The following CLIC5 variants were observed in gnomAD, a reference collection of about 807,000 sequenced individuals.
The protein encoded by CLIC5 is CLIC family member 5, also known as chloride intracellular channel protein 5.
A neutral mutation model predicts 24.7 loss-of-function variants in CLIC5; 20 were observed. That is an observed-to-expected ratio of 0.81 (90% CI 0.57 to 1.18). CLIC5 has a LOEUF of 1.18. CLIC5 is among the 50% of genes most tolerant of loss of function. CLIC5 has a pLI of 0.00. For synonymous variants in CLIC5, 159 were observed against 135.6 expected, an observed-to-expected ratio of 1.17 and a Z score of -1.20; for missense variants, 341 against 326.1, an observed-to-expected ratio of 1.05 and a Z score of -0.35.
At chr6:45,919,044 G>T in intron 4 of CLIC5, 1 of 985,320 alleles carries the variant, frequency 1.0e-6, no homozygotes, top group Non-Finnish European at 1.2e-6. Flanking sequence ...CAACTGCTAT[G>T]GTCTTCCTTA....
At position 45,900,925 on chromosome 6, in the gene CLIC5, G is replaced by A. The variant is rs1223744340; in HGVS notation, c.*2163C>T. 2 of 152,146 alleles carry A rather than the reference G, an allele frequency of 1.3e-5. No homozygotes were observed. Among genetic ancestry groups the A allele is most frequent in the Non-Finnish European group, 2.9e-5 (2 of 68,034 alleles). 9.4% of individuals were successfully genotyped at this position (152,146 alleles called of 1,614,324 possible). ...TTGGAATTCTGCAGACTTCTCTGGG[G>A]TGGAGTGGCCTCACCGGAGGCTTGG... On this transcript the variant is annotated 3_prime_UTR_variant, in exon 6 of 6. Transcript: ENST00000339561.
chr6:45,985,814 T>C (rs528293385), intron 1 of CLIC5, among the ~76,000 whole-genome samples: 43 of 152,266 alleles, frequency 2.8e-4, no homozygotes, highest in African/African-American at 9.4e-4. Flanking sequence ...TTCTCCCATG[T>C]ATAGGCCTCA....
intron 1 of CLIC5, among the ~76,000 whole-genome samples, chr6:46,077,756 A>T (rs577264234): frequency 1.3e-5 from 2 of 152,190 alleles, no homozygotes; most frequent in Non-Finnish European, 2.9e-5. Flanking sequence ...AAGAATGTAA[A>T]CTTAAAGAGT....
intron 1 of CLIC5, among the ~76,000 whole-genome samples, chr6:45,966,101 A>G (rs915400828): frequency 6.6e-6 from 1 of 152,208 alleles, no homozygotes; most frequent in Non-Finnish European, 1.5e-5. Context: ...AAAATCTGTC[A>G]TCCTAGCTCT....
chr6:45,962,154 T>C (rs1209039977), intron 1 of CLIC5, among the ~76,000 whole-genome samples: 1 of 149,482 alleles, frequency 6.7e-6, no homozygotes, highest in Non-Finnish European at 1.5e-5. Context: ...ATATAATACA[T>C]TATAATAACA....
chr6:46,039,545 TAAA>T (rs1297848592), intron 1 of CLIC5, among the ~76,000 whole-genome samples: 7 of 151,654 alleles, frequency 4.6e-5, no homozygotes. Context: ...AAAATAAACA[TAAA>T]AAGAAAACGA....
intron 1 of CLIC5, among the ~76,000 whole-genome samples, chr6:46,006,769 G>A (rs1449395732): frequency 1.3e-5 from 2 of 149,888 alleles, no homozygotes; most frequent in African/African-American, 2.5e-5. Flanking sequence ...TCCACCTCCC[G>A]GGTTCAAGCG....
the CLIC5 span, among the ~76,000 whole-genome samples, chr6:46,110,429 T>G: frequency 2.6e-5 from 4 of 152,238 alleles, no homozygotes; most frequent in African/African-American, 9.6e-5. Flanking sequence ...TATTTTTAAT[T>G]TATGGCAACA....
the CLIC5 span, among the ~76,000 whole-genome samples, chr6:46,105,554 T>A: frequency 6.6e-6 from 1 of 152,186 alleles, no homozygotes; most frequent in Non-Finnish European, 1.5e-5. Flanking sequence ...CTCTTTACTG[T>A]CTTTGATACC....
the CLIC5 span, among the ~76,000 whole-genome samples, chr6:46,108,314 A>G: frequency 6.6e-6 from 1 of 151,990 alleles, no homozygotes; most frequent in Non-Finnish European, 1.5e-5. Flanking sequence ...CATTTTATAT[A>G]AACTGCAAAA....
chr6:46,127,526 G>A, the CLIC5 span, among the ~76,000 whole-genome samples: 785 of 152,090 alleles, frequency 5.2e-3, 13 homozygotes, highest in African/African-American at 0.018. Context: ...ATATTATTTT[G>A]CCTACCTAAA....
chr6:45,956,620 T>A, intron 1 of CLIC5, among the ~76,000 whole-genome samples: 1 of 152,288 alleles, frequency 6.6e-6, no homozygotes, highest in Non-Finnish European at 1.5e-5. Context: ...CCTCATTGTG[T>A]GCTTTTTTCT....
chr6:45,983,767 CG>C (rs1561983191), intron 1 of CLIC5, among the ~76,000 whole-genome samples: 1 of 152,206 alleles, frequency 6.6e-6, no homozygotes, highest in African/African-American at 2.4e-5. Context: ...AACCTGCCTT[CG>C]GGCCTGAAAT....
upstream of CLIC5, among the ~76,000 whole-genome samples, chr6:46,083,298 A>G (rs1762962779): frequency 6.6e-6 from 1 of 152,000 alleles, no homozygotes; most frequent in East Asian, 1.9e-4. Context: ...GATTTTAGTT[A>G]TTTCTTGCCT....
chr6:46,040,288 C>T (rs770293312), intron 1 of CLIC5, among the ~76,000 whole-genome samples: 10 of 151,688 alleles, frequency 6.6e-5, no homozygotes, highest in Middle Eastern at 3.4e-3. Flanking sequence ...GAAGACAACG[C>T]GATTGGTAGT....
upstream of CLIC5, among the ~76,000 whole-genome samples, chr6:46,016,040 C>T (rs1766993257): frequency 6.6e-6 from 1 of 151,464 alleles, no homozygotes; most frequent in Non-Finnish European, 1.5e-5. Context: ...CCACCAAGGC[C>T]AAGAGGATGT....
At chr6:46,084,423 T>C (rs1323051384), upstream of CLIC5, among the ~76,000 whole-genome samples, 1 of 152,218 alleles carries the variant, frequency 6.6e-6, no homozygotes, top group Non-Finnish European at 1.5e-5. Flanking sequence ...AGTTGTTCCT[T>C]TCCATGTTTA....
intron 4 of CLIC5, among the ~76,000 whole-genome samples, chr6:45,915,459 A>G (rs1762994198): frequency 6.6e-6 from 1 of 152,188 alleles, no homozygotes; most frequent in Admixed American, 6.5e-5. Context: ...CAGGGGGAAT[A>G]GAACAGCCCT....
intron 1 of CLIC5, among the ~76,000 whole-genome samples, chr6:46,068,289 T>C (rs932668894): frequency 6.6e-6 from 1 of 152,290 alleles, no homozygotes. Context: ...TAAAACACCA[T>C]GTTTTCAGTA....
Sources: gnomAD v4.1 joint callset for allele counts (sites outside exome capture counted in the v4.1 genomes callset) on GRCh38, gnomAD v4.1.1 for gene constraint, MANE v1.5 for transcripts, NCBI Gene and HGNC (gene_info 2026-07-23, HGNC 2026-07-21) for gene names.